Variants in DHRSX observed in about 807,000 individuals in gnomAD.
DHRSX encodes the protein dehydrogenase/reductase X-linked.
Under a neutral mutation model 34.0 loss-of-function variants are expected in DHRSX, and 31 were observed. That is an observed-to-expected ratio of 0.91 (90% confidence interval 0.69 to 1.23). The LOEUF (loss-of-function observed/expected upper bound fraction) is 1.23, where lower values mean the gene tolerates loss of function less well. Among genes scored for constraint, DHRSX ranks in the 50% most tolerant of loss-of-function variants. DHRSX has a pLI of 0.00. For synonymous variants in DHRSX, 201 were observed against 183.8 expected, an observed-to-expected ratio of 1.09 and a Z score of -0.76; for missense variants, 414 against 428.1, an observed-to-expected ratio of 0.97 and a Z score of 0.29.
At chrX:2,235,929 T>C (rs1246021438) in intron 6 of DHRSX, among the ~76,000 whole-genome samples, 3 of 149,620 alleles carry the variant, frequency 2.0e-5, no homozygotes, top group Non-Finnish European at 4.4e-5. Flanking sequence ...CCGGCCAACA[T>C]GGTGAAACCC....
chrX:2,439,171 T>C (rs1164311211), intron 1 of DHRSX, among the ~76,000 whole-genome samples: 6 of 148,510 alleles, frequency 4.0e-5, no homozygotes, highest in Non-Finnish European at 7.5e-5. Context: ...GCTTAAAAAA[T>C]AAAAACAGCT....
At chrX:2,231,220 CAG>C (rs1255205891) in intron 6 of DHRSX, among the ~76,000 whole-genome samples, 2 of 152,030 alleles carry the variant, frequency 1.3e-5, no homozygotes, top group Non-Finnish European at 2.9e-5. Context: ...TTAGAGCCAC[CAG>C]AGAGTCCATC....
chrX:2,481,714 C>T (rs2044774329), intron 1 of DHRSX, among the ~76,000 whole-genome samples: 1 of 151,966 alleles, frequency 6.6e-6, no homozygotes, highest in Non-Finnish European at 1.5e-5. Flanking sequence ...AAGAGATGAC[C>T]TTCCAGTGAG....
chrX:2,268,611 A>G (rs1487843497), intron 4 of DHRSX, among the ~76,000 whole-genome samples: 2 of 152,080 alleles, frequency 1.3e-5, no homozygotes, highest in African/African-American at 4.8e-5. Context: ...AAATTTGTGC[A>G]TATTTTCTTT....
intron 1 of DHRSX, among the ~76,000 whole-genome samples, chrX:2,495,916 G>A (rs1391033348): frequency 1.3e-5 from 2 of 152,170 alleles, no homozygotes; most frequent in Non-Finnish European, 2.9e-5. Flanking sequence ...AGACCAGTGT[G>A]AAGAAGCAGA....
chrX:2,262,960 A>G (rs1168985133), intron 5 of DHRSX, among the ~76,000 whole-genome samples: 1 of 152,136 alleles, frequency 6.6e-6, no homozygotes, highest in Admixed American at 6.5e-5. Flanking sequence ...GGAAATGCAA[A>G]CTGTTAGGAG....
intron 3 of DHRSX, among the ~76,000 whole-genome samples, chrX:2,315,980 G>A (rs182164640): frequency 1.9e-3 from 287 of 152,164 alleles, no homozygotes; most frequent in African/African-American, 5.8e-3. Context: ...TCTTGCCTCA[G>A]CCTCCCCAGT....
chrX:2,353,233 G>T (rs2042808862), intron 3 of DHRSX, among the ~76,000 whole-genome samples: 1 of 152,104 alleles, frequency 6.6e-6, no homozygotes, highest in Non-Finnish European at 1.5e-5. Flanking sequence ...GACAGAGCCA[G>T]ACCCTGTCTC....
chrX:2,225,373 C>T (rs1354051755), intron 6 of DHRSX, among the ~76,000 whole-genome samples: 1 of 146,406 alleles, frequency 6.8e-6, no homozygotes, highest in Non-Finnish European at 1.5e-5. Flanking sequence ...CACATGCTCA[C>T]ACTCATTCAC....
intron 2 of DHRSX, among the ~76,000 whole-genome samples, chrX:2,414,336 C>T (rs1003091265): frequency 1.7e-4 from 26 of 151,974 alleles, no homozygotes; most frequent in African/African-American, 6.3e-4. Context: ...AAAACTAGTC[C>T]TCATCATGAC....
At chrX:2,357,119 C>G (rs2042864627) in intron 3 of DHRSX, among the ~76,000 whole-genome samples, 1 of 152,018 alleles carries the variant, frequency 6.6e-6, no homozygotes, top group Non-Finnish European at 1.5e-5. Context: ...TGGCGTGCGC[C>G]TGTAATGCCA....
intron 1 of DHRSX, among the ~76,000 whole-genome samples, chrX:2,498,747 G>T (rs1466142673): frequency 6.6e-6 from 1 of 152,048 alleles, no homozygotes; most frequent in African/African-American, 2.4e-5. Context: ...GGCCCACACA[G>T]GCCCTTAAGG....
chrX:2,375,790 G>A (rs1385048065), intron 3 of DHRSX, among the ~76,000 whole-genome samples: 4 of 136,038 alleles, frequency 2.9e-5, no homozygotes, highest in East Asian at 2.0e-4. Flanking sequence ...GCACCCCCAC[G>A]CCTGGCTAAT....
rs113154779 is a variant in DHRSX at position 2,438,306 on chromosome X, T to TACACACACACACAC, written c.110-13016_110-13003dup. ...ATATAGTTACACATTACAGAATGCA[T>TACACACACACACAC]ACACACACACACACACACACATATA... On this transcript the variant is annotated intron_variant, in intron 1 of 6. Coordinates refer to ENST00000334651, the MANE Select transcript of DHRSX (RefSeq NM_145177.3). 3.9e-3 allele frequency among the ~76,000 whole-genome samples: 579 copies of TACACACACACACAC among 149,636 alleles called. 5 individuals are homozygous for TACACACACACACAC. The highest frequency in any genetic ancestry group is 0.013 in the African/African-American group (524 of 40,790).
chrX:2,283,172 G>A (rs188078874), intron 4 of DHRSX, among the ~76,000 whole-genome samples: 2 of 152,002 alleles, frequency 1.3e-5, no homozygotes, highest in Admixed American at 6.6e-5. Flanking sequence ...CCAGTCCAGG[G>A]AGGCTATGGG....
intron 1 of DHRSX, chrX:2,490,398 C>G: frequency 6.2e-7 from 1 of 1,613,876 alleles, no homozygotes; most frequent in Non-Finnish European, 8.5e-7. Context: ...GCCAGCGCGT[C>G]CTGCCCGGGC....
chrX:2,327,851 T>C (rs1468584797), intron 3 of DHRSX, among the ~76,000 whole-genome samples: 1 of 151,678 alleles, frequency 6.6e-6, no homozygotes, highest in South Asian at 2.1e-4. Flanking sequence ...GAGGCTGAGG[T>C]GGGTGGATCA....
chrX:2,480,960 T>G (rs1254980788), intron 1 of DHRSX, among the ~76,000 whole-genome samples: 2 of 152,140 alleles, frequency 1.3e-5, no homozygotes, highest in Non-Finnish European at 2.9e-5. Flanking sequence ...TTACACATTC[T>G]CACCACAAAA....
intron 3 of DHRSX, among the ~76,000 whole-genome samples, chrX:2,408,513 G>C (rs1268945790): frequency 2.6e-5 from 4 of 152,126 alleles, no homozygotes; most frequent in Non-Finnish European, 5.9e-5. Flanking sequence ...CAGCACATCT[G>C]CATGCCTTTC....
Sources: gnomAD v4.1 joint callset for allele counts (sites outside exome capture counted in the v4.1 genomes callset) on GRCh38, gnomAD v4.1.1 for gene constraint, MANE v1.5 for transcripts, NCBI Gene and HGNC (gene_info 2026-07-23, HGNC 2026-07-21) for gene names.